The following GABRB3 variants were observed in gnomAD, a reference collection of about 807,000 sequenced individuals.
GABRB3 encodes gamma-aminobutyric acid receptor subunit beta-3.
In GABRB3, 14 loss-of-function variants were observed where a neutral mutation model predicts 52.1. The ratio of observed to expected loss-of-function variants is 0.27; its 90% CI spans 0.18 to 0.42. GABRB3 has a LOEUF of 0.42. Ranked by LOEUF, GABRB3 falls within the 10% of genes least tolerant of loss-of-function variation. The pLI, the probability that GABRB3 is intolerant of heterozygous loss-of-function variation, is 1.00. For synonymous variants in GABRB3, 260 were observed against 232.3 expected (o/e 1.12, Z -1.08); for missense variants, 307 against 609.1 (o/e 0.50, Z 5.22).
At chr15:26,578,583 C>T (rs1890675910) in intron 6 of GABRB3, among the ~76,000 whole-genome samples, 1 of 152,244 alleles carries the variant, frequency 6.6e-6, no homozygotes, top group Non-Finnish European at 1.5e-5. Context: ...TTCTAAGTGG[C>T]TGTGGTCCCC....
At chr15:26,728,705 T>C (rs747372515) in intron 3 of GABRB3, among the ~76,000 whole-genome samples, 2 of 152,204 alleles carry the variant, frequency 1.3e-5, no homozygotes, top group African/African-American at 2.4e-5. Context: ...TCATGACGTA[T>C]TTGCTCTAGG....
chr15:26,712,827 G>A (rs746950550), intron 3 of GABRB3, among the ~76,000 whole-genome samples: 2 of 152,320 alleles, frequency 1.3e-5, no homozygotes, highest in Non-Finnish European at 2.9e-5. Context: ...GCACAGAGCA[G>A]ATATCGTGGC....
At chr15:26,769,863 A>G (rs1891099414) in intron 3 of GABRB3, among the ~76,000 whole-genome samples, 1 of 152,162 alleles carries the variant, frequency 6.6e-6, no homozygotes, top group African/African-American at 2.4e-5. Context: ...TATCTGCTCT[A>G]AGAGTTACAA....
intron 6 of GABRB3, among the ~76,000 whole-genome samples, chr15:26,570,024 C>CTCCCAG (rs144856024): frequency 2.8e-3 from 425 of 152,316 alleles, no homozygotes; most frequent in African/African-American, 9.6e-3. Context: ...TGCAAGCATT[C>CTCCCAG]TCCCAGTTGC....
At chr15:26,765,950 A>G (rs1566835211) in intron 3 of GABRB3, among the ~76,000 whole-genome samples, 1 of 152,216 alleles carries the variant, frequency 6.6e-6, no homozygotes, top group Non-Finnish European at 1.5e-5. Flanking sequence ...GTCCTGCAGT[A>G]AGAGTAAGAA....
At position 26,543,903 on chromosome 15, in the gene GABRB3, G is replaced by A. The variant is rs1030446934; in HGVS notation, c.*3890C>T. The stretch of plus-strand genomic sequence containing the variant: ...CTGGAAGGTCATTGTTTACCCAGGT[G>A]TTGGGAATTTAGTATTTCAGGAAAA... On this transcript the variant is annotated 3_prime_UTR_variant, in exon 9 of 9. Transcript: ENST00000311550. 6.6e-6 allele frequency: 1 copy of A among 152,602 alleles called. No homozygotes were observed. Among genetic ancestry groups the A allele is most frequent in the Admixed American group, 6.5e-5 (1 of 15,280 alleles). The allele number at this position is 152,602 out of a possible 1,614,324, so 9.5% of individuals were successfully genotyped here.
intron 8 of GABRB3, among the ~76,000 whole-genome samples, chr15:26,558,454 G>C (rs973150981): frequency 6.6e-6 from 1 of 152,202 alleles, no homozygotes; most frequent in Non-Finnish European, 1.5e-5. Context: ...GCACAGGATA[G>C]AGCAAGAAAA....
At chr15:26,764,166 AAAAAAAAAAAAAAATATATATAT>A (rs1890909071) in intron 3 of GABRB3, among the ~76,000 whole-genome samples, 1 of 33,756 alleles carries the variant, frequency 3.0e-5, no homozygotes, top group African/African-American at 1.2e-4. Flanking sequence ...AAAAAAAAAA[AAAAAAAAAAAAAAATATATATAT>A]ATATATATAT....
intron 3 of GABRB3, among the ~76,000 whole-genome samples, chr15:26,752,441 A>G (rs1890538844): frequency 6.6e-6 from 1 of 151,420 alleles, no homozygotes; most frequent in Non-Finnish European, 1.5e-5. Context: ...TTTTTTGTTT[A>G]TTTAGTAGAG....
At chr15:26,666,055 C>A (rs1887701239) in intron 3 of GABRB3, among the ~76,000 whole-genome samples, 1 of 152,150 alleles carries the variant, frequency 6.6e-6, no homozygotes, top group South Asian at 2.1e-4. Context: ...CAAACATGCA[C>A]ACACAGACCA....
At chr15:26,638,087 G>A (rs1893103239) in intron 3 of GABRB3, among the ~76,000 whole-genome samples, 1 of 152,126 alleles carries the variant, frequency 6.6e-6, no homozygotes, top group African/African-American at 2.4e-5. Context: ...CATTTCTAGT[G>A]GCTTTATATG....
At chr15:26,693,737 A>C (rs1054013109) in intron 3 of GABRB3, among the ~76,000 whole-genome samples, 2 of 152,204 alleles carry the variant, frequency 1.3e-5, no homozygotes, top group African/African-American at 4.8e-5. Flanking sequence ...GCTCACTAAG[A>C]GGGGAAACTG....
chr15:26,615,768 A>G, intron 4 of GABRB3: 1 of 1,135,226 alleles, frequency 8.8e-7, no homozygotes, highest in Non-Finnish European at 1.1e-6. Flanking sequence ...CTAAGTGGCG[A>G]CTGACCTACC....
rs1457340076 is a variant in GABRB3, at chr15:26,717,120, C to T, written c.240+55282G>A. 4.8e-5 allele frequency among the ~76,000 whole-genome samples: 5 copies of T among 103,320 alleles called. 1 individual carries two copies. The highest frequency in any genetic ancestry group is 2.0e-4 in the East Asian group (1 of 4,942). 67.8% of individuals were successfully genotyped at this position (103,320 alleles called of 152,430 possible). A position where few individuals can be genotyped will look rare whatever the true frequency, so the allele number is the denominator to read the frequency against. On this transcript the variant is annotated intron_variant, in intron 3 of 8. Coordinates refer to ENST00000311550, the MANE Select transcript of GABRB3 (RefSeq NM_000814.6). The stretch of plus-strand genomic sequence containing the variant: ...ATGACAGCCCAGTTCTGGGGACATC[C>T]GCCCAATGACAGCCCAGCTCTGAGG...
intron 4 of GABRB3, among the ~76,000 whole-genome samples, chr15:26,586,091 C>G (rs1014185540): frequency 4.6e-5 from 7 of 152,042 alleles, no homozygotes; most frequent in African/African-American, 1.7e-4. Flanking sequence ...CTCCATCTCC[C>G]AGGTTCACAC....
At chr15:26,655,968 T>C (rs1451580214) in intron 3 of GABRB3, among the ~76,000 whole-genome samples, 1 of 152,184 alleles carries the variant, frequency 6.6e-6, no homozygotes, top group Non-Finnish European at 1.5e-5. Flanking sequence ...AGCATTCTTT[T>C]TATATTATGG....
intron 3 of GABRB3, among the ~76,000 whole-genome samples, chr15:26,688,488 T>C (rs1888476945): frequency 6.6e-6 from 1 of 152,198 alleles, no homozygotes; most frequent in African/African-American, 2.4e-5. Flanking sequence ...GTTTTGTTTC[T>C]TTGGGGGTGG....
chr15:26,760,160 C>T (rs1383694287), intron 3 of GABRB3, among the ~76,000 whole-genome samples: 1 of 152,202 alleles, frequency 6.6e-6, no homozygotes, highest in African/African-American at 2.4e-5. Context: ...GAGATGGGCT[C>T]CGTGCCACTG....
chr15:26,624,632 C>G, intron 3 of GABRB3: 1 of 985,502 alleles, frequency 1.0e-6, no homozygotes, highest in Non-Finnish European at 1.2e-6. Flanking sequence ...TGGGTAAGAG[C>G]TTAGGTAACA....
Sources: gnomAD v4.1 joint callset for allele counts (sites outside exome capture counted in the v4.1 genomes callset) on GRCh38, gnomAD v4.1.1 for gene constraint, MANE v1.5 for transcripts, NCBI Gene and HGNC (gene_info 2026-07-23, HGNC 2026-07-21) for gene names.